Variants in PCDHA7 observed in about 807,000 individuals in gnomAD.
The protein encoded by PCDHA7 is protocadherin alpha 7.
In PCDHA7, 37 loss-of-function variants were observed where a neutral mutation model predicts 57.2. That is an observed-to-expected ratio of 0.65 (90% CI 0.50 to 0.85). The LOEUF is 0.85. Among genes scored for constraint, PCDHA7 ranks in the 40% least tolerant of loss-of-function variants. PCDHA7 has a pLI of 0.00. For missense variants in PCDHA7, 1,188 were observed against 1,241.8 expected, an observed-to-expected ratio of 0.96 and a Z score of 0.65; for synonymous variants, 553 against 558.8, an observed-to-expected ratio of 0.99 and a Z score of 0.15.
At chr5:140,890,627 G>A (rs1562851697) in intron 1 of PCDHA7, among the ~76,000 whole-genome samples, 1 of 152,056 alleles carries the variant, frequency 6.6e-6, no homozygotes, top group Non-Finnish European at 1.5e-5. Flanking sequence ...AGAAAATTAA[G>A]CATGTATCCT....
In PCDHA7 at chr5:140,857,559, C is replaced by T; in HGVS notation, c.2355+20821C>T. On this transcript the variant is annotated intron_variant, in intron 1 of 3. Transcript: ENST00000525929. The stretch of plus-strand genomic sequence containing the variant: ...CGGCGGTTGGGCGAGCGCTCGCTGT[C>T]GAGCTACGTGTCGGTGCACGCGGAG... 1.3e-6 allele frequency: 2 copies of T among 1,596,876 alleles called. No homozygotes were observed. Among genetic ancestry groups the T allele is most frequent in the South Asian group, 1.1e-5 (1 of 90,494 alleles).
intron 1 of PCDHA7, among the ~76,000 whole-genome samples, chr5:140,904,259 C>T (rs2070990539): frequency 6.6e-6 from 1 of 152,066 alleles, no homozygotes. Context: ...GCTTAGCTCC[C>T]ACTTATGAAT....
At chr5:140,907,913 C>T (rs2073688326) in intron 1 of PCDHA7, among the ~76,000 whole-genome samples, 1 of 152,234 alleles carries the variant, frequency 6.6e-6, no homozygotes, top group Non-Finnish European at 1.5e-5. Context: ...TTTTTGACCA[C>T]TCAGAGAGGT....
chr5:140,870,345 C>T (rs782253040), intron 1 of PCDHA7: 7 of 1,614,066 alleles, frequency 4.3e-6, no homozygotes, highest in South Asian at 2.2e-5. Flanking sequence ...CCCTGGACCG[C>T]GAGAACGTGT....
At chr5:140,967,189 C>T (rs1554229286) in intron 1 of PCDHA7, 2 of 1,613,522 alleles carry the variant, frequency 1.2e-6, no homozygotes, top group Admixed American at 1.7e-5. Flanking sequence ...TATTGGACAT[C>T]AACGACAACT....
intron 1 of PCDHA7, among the ~76,000 whole-genome samples, chr5:140,938,027 T>C (rs1372788447): frequency 6.6e-6 from 1 of 152,220 alleles, no homozygotes; most frequent in Non-Finnish European, 1.5e-5. Flanking sequence ...TAAAATCTCA[T>C]ATTTTTATAT....
intron 1 of PCDHA7, among the ~76,000 whole-genome samples, chr5:140,976,160 T>A (rs1554237376): frequency 6.6e-6 from 1 of 152,196 alleles, no homozygotes; most frequent in Admixed American, 6.5e-5. Context: ...TTTTACTACT[T>A]TTAGTTTTGT....
rs553749529 is a variant in PCDHA7, at chr5:140,931,877, G to C, written c.2356-47072G>C. 3.3e-5 allele frequency among the ~76,000 whole-genome samples: 5 copies of C among 151,886 alleles called. No individual in the cohort carries two copies. The South Asian group carries it at 8.3e-4, about 25-fold the overall frequency. The stretch of plus-strand genomic sequence containing the variant: ...GGATTCTAGAAATAAAATATTTATT[G>C]CTTTCATTTTATTTCAAATCATTTG... On this transcript the variant is annotated intron_variant, in intron 1 of 3. Coordinates refer to ENST00000525929, the MANE Select transcript of PCDHA7 (RefSeq NM_018910.3).
At chr5:140,924,550 C>T (rs2081897316) in intron 1 of PCDHA7, among the ~76,000 whole-genome samples, 1 of 152,096 alleles carries the variant, frequency 6.6e-6, no homozygotes, top group Non-Finnish European at 1.5e-5. Context: ...CTCTCCCCAC[C>T]ATTTTAATCA....
intron 1 of PCDHA7, among the ~76,000 whole-genome samples, chr5:140,894,474 T>C (rs1333675195): frequency 6.6e-6 from 1 of 152,022 alleles, no homozygotes; most frequent in Non-Finnish European, 1.5e-5. Flanking sequence ...TTATTCTTGT[T>C]TTCATCTTAT....
rs187904552 is a variant in PCDHA7 at position 140,875,781 on chromosome 5, T to C, written c.2355+39043T>C. ...TGTGCGGGCGGAGCGCGGAGTGCAGTATCCACCTGGAGGTGATCGTGGACA... is the reference window on the plus strand; with the variant it reads ...TGTGCGGGCGGAGCGCGGAGTGCAGCATCCACCTGGAGGTGATCGTGGACA... On this transcript the variant is annotated intron_variant, in intron 1 of 3. Coordinates refer to ENST00000525929, the MANE Select transcript of PCDHA7 (RefSeq NM_018910.3). 4.7e-3 allele frequency: 7,631 copies of C among 1,614,134 alleles called. 28 individuals carry two copies. Among genetic ancestry groups the C allele is most frequent in the Middle Eastern group, 6.4e-3 (39 of 6,062 alleles).
chr5:140,939,005 G>A (rs2092293653), intron 1 of PCDHA7, among the ~76,000 whole-genome samples: 1 of 152,200 alleles, frequency 6.6e-6, no homozygotes, highest in Non-Finnish European at 1.5e-5. Flanking sequence ...AAGTTAAGAA[G>A]TGTTACTTTT....
chr5:140,927,037 G>T lies in PCDHA7; in HGVS notation c.2356-51912G>T, dbSNP rs782765718. On this transcript the variant is annotated intron_variant, in intron 1 of 3. Coordinates refer to ENST00000525929, the MANE Select transcript of PCDHA7 (RefSeq NM_018910.3). ...CGCGGACTTGAGGCTGCCAGCGGCC[G>T]CTATGTCCTCGCGGAACTTTCGCTT... The T allele has an allele frequency of 3.7e-6, 6 of 1,612,000 alleles. No homozygotes were observed. The Admixed American group carries it at 6.7e-5, about 18-fold the overall frequency.
chr5:140,975,503 CT>C (rs1189456467), intron 1 of PCDHA7, among the ~76,000 whole-genome samples: 3 of 152,178 alleles, frequency 2.0e-5, no homozygotes, highest in Non-Finnish European at 4.4e-5. Flanking sequence ...TAAAATAGCA[CT>C]ATGCAAAATC....
intron 1 of PCDHA7, chr5:140,870,602 A>G: frequency 6.2e-7 from 1 of 1,613,246 alleles, no homozygotes; most frequent in Non-Finnish European, 8.5e-7. Flanking sequence ...CGGTTGGGCG[A>G]CCGCGCGCTG....
intron 1 of PCDHA7, chr5:140,926,768 C>T: frequency 2.2e-6 from 3 of 1,361,764 alleles, no homozygotes; most frequent in Non-Finnish European, 2.9e-6. Context: ...GTATCCAGCC[C>T]GCAGCAGTGA....
At chr5:140,842,429 G>A (rs2150335893) in intron 1 of PCDHA7, 3 of 1,613,436 alleles carry the variant, frequency 1.9e-6, no homozygotes, top group Non-Finnish European at 1.7e-6. Flanking sequence ...TACTGTCATC[G>A]CCCTAATTAG....
intron 1 of PCDHA7, chr5:140,926,614 C>G: frequency 2.6e-6 from 1 of 377,760 alleles, no homozygotes; most frequent in Non-Finnish European, 4.6e-6. Flanking sequence ...TCTCTGCACC[C>G]CTAGGCGGCG....
intron 1 of PCDHA7, among the ~76,000 whole-genome samples, chr5:140,911,032 A>G (rs2075293448): frequency 6.6e-6 from 1 of 152,092 alleles, no homozygotes; most frequent in African/African-American, 2.4e-5. Flanking sequence ...TTATAGGTCT[A>G]GAAGCAAACA....
Sources: gnomAD v4.1 joint callset for allele counts (sites outside exome capture counted in the v4.1 genomes callset) on GRCh38, gnomAD v4.1.1 for gene constraint, MANE v1.5 for transcripts, NCBI Gene and HGNC (gene_info 2026-07-23, HGNC 2026-07-21) for gene names.